The following STAU2 variants were observed in gnomAD, a reference collection of about 807,000 sequenced individuals.
STAU2 encodes staufen double-stranded RNA binding protein 2, also known as double-stranded RNA-binding protein Staufen homolog 2.
A neutral mutation model predicts 65.9 loss-of-function variants in STAU2; 20 were observed. That is an observed-to-expected ratio of 0.30 (90% confidence interval 0.21 to 0.44). The LOEUF is 0.44. Among genes scored for constraint, STAU2 ranks in the 20% least tolerant of loss-of-function variants. The probability of loss-of-function intolerance (pLI) is 1.00; values close to 1 mark genes in which losing one functional copy is unlikely to be tolerated. For synonymous variants in STAU2, 232 were observed against 233.9 expected, an observed-to-expected ratio of 0.99 and a Z score of 0.07; for missense variants, 558 against 683.9, an observed-to-expected ratio of 0.82 and a Z score of 2.05.
At chr8:73,509,719 A>G (rs1338363102) in intron 13 of STAU2, among the ~76,000 whole-genome samples, 1 of 151,788 alleles carries the variant, frequency 6.6e-6, no homozygotes, top group Non-Finnish European at 1.5e-5. Context: ...TCCTTATGTG[A>G]AAAAAAATAG....
chr8:73,686,673 AATC>A (rs1301106835), intron 5 of STAU2, among the ~76,000 whole-genome samples: 5 of 151,984 alleles, frequency 3.3e-5, no homozygotes, highest in Admixed American at 6.6e-5. Flanking sequence ...AAATCTCAGA[AATC>A]ATCACGGAAG....
rs115426913 is a variant in STAU2, at chr8:73,673,808, G to A, written c.275-566C>T. On this transcript the variant is annotated intron_variant, in intron 5 of 14. Coordinates refer to ENST00000524300, the MANE Select transcript of STAU2 (RefSeq NM_001164380.2). ...TATTCCTAGCAAATATTAAAGATAC[G>A]TACAAGTAGCATTATCGATAAAAAC... Among the ~76,000 whole-genome samples, 479 of 151,984 alleles carry A rather than the reference G, an allele frequency of 3.2e-3. 2 individuals are homozygous for A. Among genetic ancestry groups the A allele is most frequent in the African/African-American group, 0.011 (440 of 41,512 alleles).
intron 13 of STAU2, among the ~76,000 whole-genome samples, chr8:73,513,548 G>A (rs140496004): frequency 1.8e-4 from 28 of 152,266 alleles, no homozygotes; most frequent in African/African-American, 6.5e-4. Flanking sequence ...CATCCAGGGT[G>A]TATAGGTAGC....
At chr8:73,623,919 T>A (rs563555293) in intron 6 of STAU2, among the ~76,000 whole-genome samples, 3 of 152,318 alleles carry the variant, frequency 2.0e-5, no homozygotes, top group African/African-American at 7.2e-5. Flanking sequence ...TAGGACTGAT[T>A]AGAAAAGATT....
chr8:73,707,106 G>A (rs185280463), intron 4 of STAU2, among the ~76,000 whole-genome samples: 4 of 152,176 alleles, frequency 2.6e-5, no homozygotes, highest in African/African-American at 9.7e-5. Flanking sequence ...GCCTTGAAGA[G>A]GTGAAACAGG....
At chr8:73,471,483 C>T (rs569174659) in intron 13 of STAU2, among the ~76,000 whole-genome samples, 17 of 148,000 alleles carry the variant, frequency 1.1e-4, no homozygotes, top group African/African-American at 2.2e-4. Context: ...CTACTGTGCT[C>T]GGCCTCATAT....
chr8:73,570,111 G>C (rs192428404), intron 12 of STAU2, among the ~76,000 whole-genome samples: 151 of 152,272 alleles, frequency 9.9e-4, no homozygotes, highest in Non-Finnish European at 1.7e-3. Context: ...ACAGTGTAGA[G>C]AAGACTTTAA....
At chr8:73,717,620 CTTT>C (rs1170975927) in intron 3 of STAU2, among the ~76,000 whole-genome samples, 14 of 132,638 alleles carry the variant, frequency 1.1e-4, no homozygotes, top group African/African-American at 3.4e-4. Context: ...ATCTATTTGT[CTTT>C]TGTTGTTGTT....
At chr8:73,529,584 C>CA (rs1380801444) in intron 13 of STAU2, among the ~76,000 whole-genome samples, 2 of 151,900 alleles carry the variant, frequency 1.3e-5, no homozygotes, top group East Asian at 1.9e-4. Flanking sequence ...CAATTGCAGT[C>CA]AAAAAAATAA....
At chr8:73,654,544 G>A (rs1816150749) in intron 6 of STAU2, among the ~76,000 whole-genome samples, 2 of 145,228 alleles carry the variant, frequency 1.4e-5, no homozygotes, top group Admixed American at 1.4e-4. Context: ...AGAGACTGAG[G>A]TGGAAGGATC....
rs1328079224 is a variant in STAU2, at chr8:73,577,551, T to C, written c.1222+5219A>G. On this transcript the variant is annotated intron_variant, in intron 12 of 14. Coordinates refer to ENST00000524300, the MANE Select transcript of STAU2 (RefSeq NM_001164380.2). ...ATGTAAGTGTTTTAAATATTCATTT[T>C]TTTCTGATTATAAAACCAGTATATG... is the stretch of plus-strand genomic sequence containing the variant. Among the ~76,000 whole-genome samples, 4 of 152,188 alleles carry C rather than the reference T, an allele frequency of 2.6e-5. No individual in the cohort carries two copies. The East Asian group carries it at 5.8e-4, about 22-fold the overall frequency.
At chr8:73,505,873 C>A (rs1297267540) in intron 13 of STAU2, among the ~76,000 whole-genome samples, 3 of 151,992 alleles carry the variant, frequency 2.0e-5, no homozygotes, top group Admixed American at 6.6e-5. Context: ...GTAGCATCAT[C>A]CCCTTGGTGA....
At chr8:73,746,329 T>C (rs2130805074) in intron 1 of STAU2, among the ~76,000 whole-genome samples, 1 of 146,278 alleles carries the variant, frequency 6.8e-6, no homozygotes, top group East Asian at 2.0e-4. Flanking sequence ...CTCTAGGCGC[T>C]CCCTCTCCCT....
At chr8:73,720,956 A>C (rs1461815635) in intron 3 of STAU2, among the ~76,000 whole-genome samples, 5 of 151,722 alleles carry the variant, frequency 3.3e-5, no homozygotes, top group Non-Finnish European at 7.4e-5. Flanking sequence ...ACAATTTTTT[A>C]ATGACTTGAA....
intron 1 of STAU2, among the ~76,000 whole-genome samples, chr8:73,741,191 G>C (rs1027041787): frequency 6.7e-6 from 1 of 149,522 alleles, no homozygotes; most frequent in Non-Finnish European, 1.5e-5. Context: ...TGTAGTCCCA[G>C]CTACTCGGGA....
chr8:73,524,360 C>T (rs567553435), intron 13 of STAU2, among the ~76,000 whole-genome samples: 28 of 151,928 alleles, frequency 1.8e-4, no homozygotes, highest in African/African-American at 6.5e-4. Flanking sequence ...GGTAGGGGGA[C>T]GCAGGGAACA....
intron 6 of STAU2, among the ~76,000 whole-genome samples, chr8:73,667,049 A>G (rs1255647481): frequency 6.6e-6 from 1 of 152,118 alleles, no homozygotes; most frequent in African/African-American, 2.4e-5. Context: ...ACCTGCTCCA[A>G]CTACTCTTGT....
chr8:73,698,783 T>C (rs1819863803), intron 4 of STAU2, among the ~76,000 whole-genome samples: 1 of 152,070 alleles, frequency 6.6e-6, no homozygotes, highest in Admixed American at 6.5e-5. Flanking sequence ...ATCAGAGTTA[T>C]TCTGCACTAT....
intron 6 of STAU2, among the ~76,000 whole-genome samples, chr8:73,668,133 TA>T (rs1002849163): frequency 5.3e-5 from 8 of 152,068 alleles, no homozygotes; most frequent in African/African-American, 1.9e-4. Context: ...GGGACTTTTC[TA>T]ATGACTATCA....
Sources: gnomAD v4.1 joint callset for allele counts (sites outside exome capture counted in the v4.1 genomes callset) on GRCh38, gnomAD v4.1.1 for gene constraint, MANE v1.5 for transcripts, NCBI Gene and HGNC (gene_info 2026-07-23, HGNC 2026-07-21) for gene names.